Variants in AKAP1 observed in about 807,000 individuals in gnomAD.
AKAP1 encodes the protein A-kinase anchoring protein 1.
In AKAP1, 32 loss-of-function variants were observed where a neutral mutation model predicts 79.8. The ratio of observed to expected loss-of-function variants is 0.40; its 90% CI spans 0.30 to 0.54. AKAP1 has a LOEUF of 0.54. Among genes scored for constraint, AKAP1 ranks in the 20% least tolerant of loss-of-function variants. The pLI is 0.47. For missense variants in AKAP1, 961 were observed against 1,138.9 expected (o/e 0.84, Z 2.25); for synonymous variants, 416 against 466.7 (o/e 0.89, Z 1.40).
intron 2 of AKAP1, chr17:57,108,181 C>G (rs770430562): frequency 2.9e-6 from 1 of 342,048 alleles, no homozygotes; most frequent in Non-Finnish European, 4.8e-6. Flanking sequence ...ATTTCAGCTC[C>G]GGGTAGGTTG....
rs1914940457 is a variant in AKAP1, at chr17:57,107,109, A to T, written c.1645A>T (p.Lys549Ter). The T allele has an allele frequency of 1.2e-6, 2 of 1,614,076 alleles. No homozygotes were observed. The highest frequency in any genetic ancestry group is 1.7e-6 in the Non-Finnish European group (2 of 1,179,976). ...STVPFSNGVL[K>*]GELSDLGAED... ...TGTGCCCTTCAGCAATGGGGTGCTG[A>T]AGGGGGAGTTGTCAGACTTGGGGGC... The change falls in exon 2 of 11, where the codon AAG (lysine) becomes TAG (stop). Residue 549 changes from lysine (K) to a stop codon, truncating the protein, a stop_gained. Coordinates refer to ENST00000337714, the MANE Select transcript of AKAP1 (RefSeq NM_003488.4). LOFTEE classifies it high-confidence loss of function.
chr17:57,121,336 T>C lies in AKAP1; in HGVS notation c.*1012T>C, dbSNP rs1283835829. ...GTAAGTAACTTACATAAATCTTCAA[T>C]TGTATGAACTGCAGCTTTGAGTCCA... On this transcript the variant is annotated 3_prime_UTR_variant, in exon 11 of 11. Coordinates refer to ENST00000337714, the MANE Select transcript of AKAP1 (RefSeq NM_003488.4). 1 of 147,698 alleles carries C rather than the reference T, an allele frequency of 6.8e-6. No homozygotes were observed. Among genetic ancestry groups the C allele is most frequent in the African/African-American group, 2.5e-5 (1 of 40,668 alleles). 9.1% of individuals were successfully genotyped at this position (147,698 alleles called of 1,614,324 possible).
chr17:57,110,309 G>C, intron 3 of AKAP1, 151 bp downstream of exon 3: 1 of 1,055,768 alleles, frequency 9.5e-7, no homozygotes, highest in South Asian at 1.7e-5. Flanking sequence ...GAAAGGACAC[G>C]CTACACTTTG....
Position 57,102,305 on chromosome 17 carries a change from A to T in AKAP1, c.-24-3136A>T, listed in dbSNP as rs573486871. Reference sequence around the variant, plus strand: ...AAGTGTGGGATTTCAGAGTTGTAGGATGTGGTTATGAGCTTTTAAGAGCTA... The same window carrying T: ...AAGTGTGGGATTTCAGAGTTGTAGGTTGTGGTTATGAGCTTTTAAGAGCTA... On this transcript the variant is annotated intron_variant, in intron 1 of 10. Coordinates refer to ENST00000337714, the MANE Select transcript of AKAP1 (RefSeq NM_003488.4). 4.6e-5 allele frequency among the ~76,000 whole-genome samples: 7 copies of T among 151,910 alleles called. No individual in the cohort carries two copies. In the South Asian group the frequency reaches 1.5e-3, roughly 32 times the overall value.
At position 57,120,529 on chromosome 17, in the gene AKAP1, T is replaced by G; in HGVS notation, c.*205T>G. On this transcript the variant is annotated 3_prime_UTR_variant, in exon 11 of 11. Coordinates refer to ENST00000337714, the MANE Select transcript of AKAP1 (RefSeq NM_003488.4). ...TTCTCTTCGCAAAGCCAAAGGATAG[T>G]GTTTAACAAGCCAGCTGGCTTATGC... 2.2e-6 allele frequency: 1 copy of G among 462,430 alleles called. No homozygotes were observed. The highest frequency in any genetic ancestry group is 3.8e-6 in the Non-Finnish European group (1 of 263,418). 28.6% of individuals were successfully genotyped at this position (462,430 alleles called of 1,614,324 possible). A position where few individuals can be genotyped will look rare whatever the true frequency, so the allele number is the denominator to read the frequency against.
chr17:57,097,545 C>G (rs1295472215), intron 1 of AKAP1, among the ~76,000 whole-genome samples: 1 of 152,210 alleles, frequency 6.6e-6, no homozygotes, highest in Non-Finnish European at 1.5e-5. Context: ...TATGCCTCTG[C>G]CTGGCCACAG....
chr17:57,113,402 GT>G (rs568877736), intron 5 of AKAP1, among the ~76,000 whole-genome samples: 1 of 149,876 alleles, frequency 6.7e-6, no homozygotes, highest in Admixed American at 6.6e-5. Context: ...TTTTTTTTTT[GT>G]TTTTTTGTTT....
Position 57,099,075 on chromosome 17 carries a change from C to T in AKAP1, c.-24-6366C>T, listed in dbSNP as rs114889802. 5.7e-3 allele frequency among the ~76,000 whole-genome samples: 863 copies of T among 152,104 alleles called. 7 individuals carry two copies. Among genetic ancestry groups the T allele is most frequent in the African/African-American group, 0.019 (802 of 41,490 alleles). On this transcript the variant is annotated intron_variant, in intron 1 of 10. Coordinates refer to ENST00000337714, the MANE Select transcript of AKAP1 (RefSeq NM_003488.4). ...CCACCGCACCTAGCCTAGCTGATTT[C>T]TTGACTAGTGGGAAGTGGGGGCTGG...
rs1915326638 is a variant in AKAP1 at position 57,112,682 on chromosome 17, A to G, written c.2103+64A>G. On this transcript the variant is annotated intron_variant, in intron 5 of 10. Transcript: ENST00000337714. ...TTCCCCCAAACCTACCCCAAACAAG[A>G]AACTCCCCAGACCTCAGGCTAAGAA... 6.5e-6 allele frequency: 10 copies of G among 1,544,726 alleles called. No individual in the cohort carries two copies. The Admixed American group carries it at 2.0e-4, about 31-fold the overall frequency.
Position 57,114,468 on chromosome 17 carries a change from C to T in AKAP1, c.2113C>T (p.Pro705Ser). ...CCCTTCCCCTCTACAGCTCATGCTG[C>T]CTGATGGCATCACCGTGGAGGTCAT... ...SLPMTSWLML[P>S]DGITVEVIVV... The change falls in exon 6 of 11, where the codon CCT becomes TCT. Residue 705 changes from proline (P) to serine (S), a missense_variant. Transcript: ENST00000337714. 1.2e-6 allele frequency: 2 copies of T among 1,614,048 alleles called. No individual in the cohort carries two copies. The highest frequency in any genetic ancestry group is 1.7e-6 in the Non-Finnish European group (2 of 1,180,010).
intron 1 of AKAP1, among the ~76,000 whole-genome samples, chr17:57,087,896 C>G (rs1465440214): frequency 6.6e-6 from 1 of 152,214 alleles, no homozygotes; most frequent in African/African-American, 2.4e-5. Context: ...TAGAGTTCCC[C>G]TAGGTCACTC....
chr17:57,098,893 C>A (rs1021017599), intron 1 of AKAP1, among the ~76,000 whole-genome samples: 2 of 151,156 alleles, frequency 1.3e-5, no homozygotes, highest in African/African-American at 4.9e-5. Flanking sequence ...TCCCAAGTAG[C>A]TGGGACTACA....
chr17:57,118,514 C>A, intron 9 of AKAP1, 60 bp downstream of exon 9: 1 of 1,542,570 alleles, frequency 6.5e-7, no homozygotes, highest in South Asian at 1.1e-5. Flanking sequence ...ACTGACCTTT[C>A]AATGCCTTCT....
At chr17:57,114,673 CT>C (rs757775343) in intron 6 of AKAP1, 37 bp downstream of exon 6, 2 of 1,578,328 alleles carry the variant, frequency 1.3e-6, no homozygotes, top group South Asian at 2.3e-5. Flanking sequence ...AGGGGGACCC[CT>C]GGGGTTGCCT....
Position 57,111,854 on chromosome 17 carries a change from A to G in AKAP1, c.1905A>G (p.Gln635=). The G allele has an allele frequency of 6.2e-7, 1 of 1,613,834 alleles. No individual in the cohort carries two copies. The highest frequency in any genetic ancestry group is 1.7e-5 in the Admixed American group (1 of 59,986). Residue 635 remains glutamine, a synonymous_variant, in exon 4 of 11, where the codon CAA becomes CAG. Transcript: ENST00000337714. ...GGCGCTATGTGAGTTTTCTGAAGCA[A>G]ACATCTGGTGCCAAGATCTACATTT... is the stretch of plus-strand genomic sequence containing the variant. The part of the protein sequence containing the change: ...KQGRYVSFLK[Q]TSGAKIYIST...
At chr17:57,104,047 C>A (rs958794295) in intron 1 of AKAP1, among the ~76,000 whole-genome samples, 1 of 151,754 alleles carries the variant, frequency 6.6e-6, no homozygotes, top group Non-Finnish European at 1.5e-5. Context: ...CAACCTCCAC[C>A]CCCCTGGATT....
In AKAP1 at chr17:57,121,195, CT is replaced by C. The variant is rs1427915858; in HGVS notation, c.*876del. The stretch of plus-strand genomic sequence containing the variant: ...TATGGTAGAGACTGTGATCTGGGAA[CT>C]TTTTGCTGTACAAATCTGTTTAAAA... On this transcript the variant is annotated 3_prime_UTR_variant, in exon 11 of 11. Coordinates refer to ENST00000337714, the MANE Select transcript of AKAP1 (RefSeq NM_003488.4). The C allele has an allele frequency of 6.6e-6, 1 of 151,106 alleles. No individual in the cohort carries two copies. Among genetic ancestry groups the C allele is most frequent in the East Asian group, 1.9e-4 (1 of 5,152 alleles). 9.4% of individuals were successfully genotyped at this position (151,106 alleles called of 1,614,324 possible).
intron 1 of AKAP1, among the ~76,000 whole-genome samples, chr17:57,102,556 C>T (rs1456951283): frequency 6.6e-6 from 1 of 151,592 alleles, no homozygotes. Flanking sequence ...ACCTCTGCCT[C>T]CCGGGTTCAA....
Position 57,112,578 on chromosome 17 carries a change from T to C in AKAP1, c.2063T>C (p.Leu688Ser). 6.2e-7 allele frequency: 1 copy of C among 1,614,162 alleles called. No individual in the cohort carries two copies. Residue 688 changes from leucine (L) to serine (S), a missense_variant, in exon 5 of 11, where the codon TTG becomes TCG. By Grantham distance (145) the Leu-to-Ser change is moderately radical. Coordinates refer to ENST00000337714, the MANE Select transcript of AKAP1 (RefSeq NM_003488.4). ...LNLTNIYAPP[L>S]PSLALPSLPM... The stretch of plus-strand genomic sequence containing the variant: ...CTCACCAATATCTACGCTCCCCCAT[T>C]GCCTTCACTGGCACTGCCTTCTCTG...
Sources: allele counts gnomAD v4.1 joint callset (sites outside exome capture counted in the v4.1 genomes callset), GRCh38; gene constraint gnomAD v4.1.1; transcripts MANE v1.5; gene names NCBI Gene and HGNC (gene_info 2026-07-23, HGNC 2026-07-21).